Variants in THRB observed in about 807,000 individuals in gnomAD.
THRB encodes nuclear receptor subfamily 1 group A member 2.
A neutral mutation model predicts 47.8 loss-of-function variants in THRB; 12 were observed. That is an observed-to-expected ratio of 0.25 (90% CI 0.16 to 0.41). The LOEUF is 0.41. Among genes scored for constraint, THRB ranks in the 10% least tolerant of loss-of-function variants. THRB has a pLI of 1.00. For synonymous variants in THRB, 218 were observed against 212.2 expected, an observed-to-expected ratio of 1.03 and a Z score of -0.24; for missense variants, 348 against 589.2, an observed-to-expected ratio of 0.59 and a Z score of 4.24.
intron 1 of THRB, among the ~76,000 whole-genome samples, chr3:24,391,025 A>C (rs2066529020): frequency 6.6e-6 from 1 of 152,062 alleles, no homozygotes; most frequent in Non-Finnish European, 1.5e-5. Flanking sequence ...CCCAGCCTGC[A>C]TCACAGGCAG....
intron 1 of THRB, among the ~76,000 whole-genome samples, chr3:24,389,806 T>C (rs926332178): frequency 6.6e-6 from 1 of 152,022 alleles, no homozygotes; most frequent in Admixed American, 6.6e-5. Flanking sequence ...CTTATAAAAA[T>C]AGCTTCAGCA....
chr3:24,183,878 A>G (rs1351323258), intron 5 of THRB, among the ~76,000 whole-genome samples: 1 of 152,188 alleles, frequency 6.6e-6, no homozygotes, highest in African/African-American at 2.4e-5. Context: ...TGATAATAAC[A>G]TTAAACAAAT....
intron 2 of THRB, among the ~76,000 whole-genome samples, chr3:24,328,390 T>A (rs1336706878): frequency 6.6e-6 from 1 of 152,202 alleles, no homozygotes; most frequent in Non-Finnish European, 1.5e-5. Flanking sequence ...GAAATATCCA[T>A]GAGCATTTGA....
At chr3:24,361,544 T>C (rs982250586) in intron 1 of THRB, among the ~76,000 whole-genome samples, 1 of 152,148 alleles carries the variant, frequency 6.6e-6, no homozygotes, top group Non-Finnish European at 1.5e-5. Context: ...AGCAGGGTAC[T>C]ATTGTTATGA....
chr3:24,212,683 T>TC (rs1452156854), intron 4 of THRB, among the ~76,000 whole-genome samples: 1 of 151,210 alleles, frequency 6.6e-6, no homozygotes, highest in Non-Finnish European at 1.5e-5. Context: ...CAAGCCTTGA[T>TC]CCCCCGCTAT....
intron 1 of THRB, among the ~76,000 whole-genome samples, chr3:24,449,238 G>T (rs1158157171): frequency 6.6e-6 from 1 of 152,134 alleles, no homozygotes; most frequent in African/African-American, 2.4e-5. Flanking sequence ...TATAAGGAGT[G>T]TTCCTTATTT....
intron 8 of THRB, among the ~76,000 whole-genome samples, chr3:24,140,572 A>T (rs1057208664): frequency 2.4e-4 from 36 of 151,744 alleles, no homozygotes; most frequent in Admixed American, 2.4e-3. Context: ...ATTATTTTTT[A>T]TTATTCTTAT....
intron 1 of THRB, among the ~76,000 whole-genome samples, chr3:24,389,391 G>C (rs1048211328): frequency 3.9e-5 from 6 of 152,162 alleles, no homozygotes; most frequent in African/African-American, 1.4e-4. Flanking sequence ...TGCTCCCACA[G>C]AGTAAAAATT....
intron 4 of THRB, among the ~76,000 whole-genome samples, chr3:24,205,662 A>C (rs2149785116): frequency 6.6e-6 from 1 of 152,320 alleles, no homozygotes; most frequent in African/African-American, 2.4e-5. Flanking sequence ...ATTAACCTTA[A>C]ATGTAAATGG....
intron 3 of THRB, among the ~76,000 whole-genome samples, chr3:24,246,104 A>G (rs2050091521): frequency 1.3e-5 from 2 of 152,056 alleles, no homozygotes; most frequent in South Asian, 2.1e-4. Flanking sequence ...TCCCTTACGG[A>G]GATGTTGTAG....
At chr3:24,340,513 A>G (rs1364877061) in intron 1 of THRB, among the ~76,000 whole-genome samples, 1 of 147,400 alleles carries the variant, frequency 6.8e-6, no homozygotes, top group Non-Finnish European at 1.5e-5. Flanking sequence ...GTGCTTATTC[A>G]TTCTTTTAAA....
At chr3:24,253,448 A>G (rs1392564616) in intron 3 of THRB, among the ~76,000 whole-genome samples, 1 of 152,206 alleles carries the variant, frequency 6.6e-6, no homozygotes, top group Non-Finnish European at 1.5e-5. Context: ...GAGGGAGATG[A>G]CACAGGCAAT....
At chr3:24,159,988 C>A (rs1051985805) in intron 5 of THRB, among the ~76,000 whole-genome samples, 11 of 152,126 alleles carry the variant, frequency 7.2e-5, no homozygotes, top group Non-Finnish European at 1.3e-4. Flanking sequence ...AGGATATCTG[C>A]CTTTGAAGGC....
At chr3:24,144,462 A>T (rs2035846149) in intron 7 of THRB, 1 of 152,560 alleles carries the variant, frequency 6.6e-6, no homozygotes, top group African/African-American at 2.4e-5. Flanking sequence ...CTTCCTATAC[A>T]AAATGGGCTC....
rs149625006 is a variant in THRB, at chr3:24,315,952, T to C, written c.-188-18581A>G. 1.9e-4 allele frequency among the ~76,000 whole-genome samples: 29 copies of C among 152,312 alleles called. No individual in the cohort carries two copies. The East Asian group carries it at 5.2e-3, about 27-fold the overall frequency. Reference sequence around the variant, plus strand: ...CAATTGTGAGGATGAATTTCAAATATCTCCGTATGTTTCTGTTTTTTTTCT... The same window carrying C: ...CAATTGTGAGGATGAATTTCAAATACCTCCGTATGTTTCTGTTTTTTTTCT... On this transcript the variant is annotated intron_variant, in intron 2 of 10. Coordinates refer to ENST00000646209, the MANE Select transcript of THRB (RefSeq NM_001354712.2).
chr3:24,385,968 T>C (rs571273901), intron 1 of THRB, among the ~76,000 whole-genome samples: 1 of 152,152 alleles, frequency 6.6e-6, no homozygotes, highest in Non-Finnish European at 1.5e-5. Context: ...ATGTACAATA[T>C]GACTTTCTTA....
At chr3:24,227,075 A>G (rs1220434735) in intron 4 of THRB, among the ~76,000 whole-genome samples, 1 of 152,088 alleles carries the variant, frequency 6.6e-6, no homozygotes, top group Non-Finnish European at 1.5e-5. Flanking sequence ...CTACTTTTAC[A>G]CCATGTTTTG....
intron 2 of THRB, among the ~76,000 whole-genome samples, chr3:24,308,547 A>G (rs2057522682): frequency 6.6e-6 from 1 of 152,224 alleles, no homozygotes; most frequent in Non-Finnish European, 1.5e-5. Context: ...CAAATAGAGA[A>G]AAGTAAATTT....
At chr3:24,249,316 C>T (rs1350917957) in intron 3 of THRB, among the ~76,000 whole-genome samples, 2 of 152,054 alleles carry the variant, frequency 1.3e-5, no homozygotes, top group Non-Finnish European at 2.9e-5. Flanking sequence ...ATAGAGTTAA[C>T]CACTAACAAA....
Sources: allele counts gnomAD v4.1 joint callset (sites outside exome capture counted in the v4.1 genomes callset), GRCh38; gene constraint gnomAD v4.1.1; transcripts MANE v1.5; gene names NCBI Gene and HGNC (gene_info 2026-07-23, HGNC 2026-07-21).